The following EDIL3 variants were observed in gnomAD, a reference collection of about 807,000 sequenced individuals.
EDIL3 encodes EGF like and discoidin domains 3, also known as EGF-like repeat and discoidin I-like domain-containing protein 3.
In EDIL3, 37 loss-of-function variants were observed where a neutral mutation model predicts 67.4. The ratio of observed to expected loss-of-function variants is 0.55; its 90% CI spans 0.42 to 0.72. The LOEUF is 0.72. EDIL3 is among the 30% of genes least tolerant of loss of function. The pLI is 0.00. For synonymous variants in EDIL3, 195 were observed against 196.3 expected (o/e 0.99, Z 0.05); for missense variants, 527 against 586.3 (o/e 0.90, Z 1.04).
At chr5:83,960,561 T>C (rs934130203) in intron 10 of EDIL3, among the ~76,000 whole-genome samples, 2 of 151,054 alleles carry the variant, frequency 1.3e-5, no homozygotes, top group African/African-American at 4.8e-5. Flanking sequence ...ATGTCCAAAT[T>C]GTATGTTATA....
intron 1 of EDIL3, among the ~76,000 whole-genome samples, chr5:84,376,359 A>G (rs1053352320): frequency 2.0e-5 from 3 of 152,192 alleles, no homozygotes; most frequent in African/African-American, 7.2e-5. Context: ...AAAACACAAA[A>G]TGATGCCTGA....
chr5:83,956,651 A>T lies in EDIL3; in HGVS notation c.1293+6554T>A, dbSNP rs563035569. Reference sequence around the variant, plus strand: ...AGAGGCCTTAGCAAAATTTACAAGCATCCCATTCTATTTTGGGCATACCAG... The same window carrying T: ...AGAGGCCTTAGCAAAATTTACAAGCTTCCCATTCTATTTTGGGCATACCAG... On this transcript the variant is annotated intron_variant, in intron 10 of 10. Coordinates refer to ENST00000296591, the MANE Select transcript of EDIL3 (RefSeq NM_005711.5). 3.9e-5 allele frequency among the ~76,000 whole-genome samples: 6 copies of T among 151,900 alleles called. No homozygotes were observed. The South Asian group carries it at 1.2e-3, about 31-fold the overall frequency.
intron 5 of EDIL3, among the ~76,000 whole-genome samples, chr5:84,133,497 G>A (rs1444022700): frequency 6.0e-5 from 9 of 150,570 alleles, no homozygotes; most frequent in Non-Finnish European, 1.2e-4. Flanking sequence ...ATAGCCAGGA[G>A]TGGTGGTGCG....
At chr5:83,958,204 A>G (rs1744548700) in intron 10 of EDIL3, among the ~76,000 whole-genome samples, 1 of 151,738 alleles carries the variant, frequency 6.6e-6, no homozygotes, top group South Asian at 2.1e-4. Flanking sequence ...GGCATCAATT[A>G]GCCATTTTTC....
chr5:84,078,293 T>C (rs918085956), intron 6 of EDIL3, among the ~76,000 whole-genome samples: 2 of 152,042 alleles, frequency 1.3e-5, no homozygotes, highest in Non-Finnish European at 2.9e-5. Context: ...TGTACCTGTG[T>C]GTATGTGTGT....
At chr5:84,009,687 C>A (rs1328214662) in intron 9 of EDIL3, among the ~76,000 whole-genome samples, 1 of 152,124 alleles carries the variant, frequency 6.6e-6, no homozygotes, top group Non-Finnish European at 1.5e-5. Flanking sequence ...CGCTGCTACA[C>A]AAACATCACA....
intron 10 of EDIL3, among the ~76,000 whole-genome samples, chr5:83,959,062 T>C (rs949587511): frequency 6.6e-6 from 1 of 150,982 alleles, no homozygotes; most frequent in African/African-American, 2.4e-5. Context: ...GTGAATGCTA[T>C]AGGAGGGTAT....
At chr5:84,196,839 AT>A (rs1266785567) in intron 3 of EDIL3, 1 of 152,076 alleles carries the variant, frequency 6.6e-6, no homozygotes, top group East Asian at 1.9e-4. Context: ...GACCTATAAA[AT>A]AAGACTAGAA....
At chr5:84,251,654 G>A (rs377112075) in intron 2 of EDIL3, among the ~76,000 whole-genome samples, 79 of 152,136 alleles carry the variant, frequency 5.2e-4, no homozygotes, top group African/African-American at 1.7e-3. Context: ...TCATAAATAG[G>A]TATTGAACTT....
chr5:83,966,677 A>T (rs1456245021), intron 9 of EDIL3, among the ~76,000 whole-genome samples: 2 of 152,088 alleles, frequency 1.3e-5, no homozygotes, highest in African/African-American at 2.4e-5. Context: ...TGAGGATAAC[A>T]ATTCTCATAG....
At position 84,141,951 on chromosome 5, in the gene EDIL3, A is replaced by AGATC. The variant is rs796085506; in HGVS notation, c.356-4601_356-4598dup. ...CATATATATATATATATATATACAT[A>AGATC]GATCTATCTATCTATCTATCTATCT... On this transcript the variant is annotated intron_variant, in intron 4 of 10. Transcript: ENST00000296591. Among the ~76,000 whole-genome samples the AGATC allele has an allele frequency of 9.4e-3, 921 of 97,560 alleles. 17 individuals carry two copies. The highest frequency in any genetic ancestry group is 0.016 in the East Asian group (66 of 4,018). The allele number at this position is 97,560 out of a possible 152,430, so 64.0% of individuals were successfully genotyped here.
At position 84,384,399 on chromosome 5, in the gene EDIL3, C is replaced by T; in HGVS notation, c.-25G>A. 1.2e-6 allele frequency: 2 copies of T among 1,612,164 alleles called. No individual in the cohort carries two copies. The highest frequency in any genetic ancestry group is 1.7e-6 in the Non-Finnish European group (2 of 1,179,206). ...TGATCCCGTCTCCCGGACGTGACCC[C>T]GGCTGGTCAGGGGTCGTCGCGGAGG... On this transcript the variant is annotated 5_prime_UTR_variant, in exon 1 of 11. Coordinates refer to ENST00000296591, the MANE Select transcript of EDIL3 (RefSeq NM_005711.5).
chr5:84,252,428 A>G (rs1745040731), intron 2 of EDIL3, among the ~76,000 whole-genome samples: 1 of 140,066 alleles, frequency 7.1e-6, no homozygotes, highest in Non-Finnish European at 1.5e-5. Flanking sequence ...CGGGGTGCGG[A>G]GCTTGCAGCG....
intron 6 of EDIL3, among the ~76,000 whole-genome samples, chr5:84,105,796 T>C (rs1747449688): frequency 2.0e-5 from 3 of 152,076 alleles, no homozygotes; most frequent in African/African-American, 7.2e-5. Flanking sequence ...GGCTGTTCCC[T>C]GGATGTTCAG....
intron 1 of EDIL3, among the ~76,000 whole-genome samples, chr5:84,305,883 GTAAATAAA>G (rs769566499): frequency 4.4e-3 from 616 of 138,754 alleles, no homozygotes; most frequent in African/African-American, 9.4e-3. Context: ...GGTCTTAAAA[GTAAATAAA>G]TAAATAAATA....
chr5:84,144,476 A>T (rs1748258510), intron 4 of EDIL3, among the ~76,000 whole-genome samples: 1 of 152,068 alleles, frequency 6.6e-6, no homozygotes, highest in Non-Finnish European at 1.5e-5. Flanking sequence ...AAATGCACAG[A>T]CTCTCAAAGG....
In EDIL3 at chr5:84,028,635, A is replaced by C. The variant is rs151012796; in HGVS notation, c.1137+31665T>G. Among the ~76,000 whole-genome samples the C allele has an allele frequency of 5.9e-3, 894 of 152,256 alleles. 12 individuals carry two copies. Among genetic ancestry groups the C allele is most frequent in the African/African-American group, 0.021 (860 of 41,542 alleles). On this transcript the variant is annotated intron_variant, in intron 9 of 10. Transcript: ENST00000296591. The stretch of plus-strand genomic sequence containing the variant: ...CTTTATTAGAAAATGTTTAAACTTC[A>C]AAAAAAGTCCAAAGTTTTCTGATAA...
intron 6 of EDIL3, among the ~76,000 whole-genome samples, chr5:84,096,864 C>T (rs895532683): frequency 2.6e-5 from 4 of 152,048 alleles, no homozygotes; most frequent in Admixed American, 6.6e-5. Flanking sequence ...CGGGTCTTTC[C>T]CATGCTATTC....
intron 9 of EDIL3, among the ~76,000 whole-genome samples, chr5:84,053,068 C>A (rs565826084): frequency 5.9e-5 from 9 of 152,336 alleles, no homozygotes; most frequent in East Asian, 1.9e-4. Context: ...GTAAAGCACT[C>A]CTCAGCAAAT....
Sources: gnomAD v4.1 joint callset for allele counts (sites outside exome capture counted in the v4.1 genomes callset) on GRCh38, gnomAD v4.1.1 for gene constraint, MANE v1.5 for transcripts, NCBI Gene and HGNC (gene_info 2026-07-23, HGNC 2026-07-21) for gene names.